The following GRID2 variants were observed in gnomAD, a reference collection of about 807,000 sequenced individuals.
GRID2 encodes glutamate ionotropic receptor delta type subunit 2.
A neutral mutation model predicts 114.8 loss-of-function variants in GRID2; 33 were observed. The ratio of observed to expected loss-of-function variants is 0.29; its 90% CI spans 0.22 to 0.38. The LOEUF (loss-of-function observed/expected upper bound fraction) is 0.38. Among genes scored for constraint, GRID2 ranks in the 10% least tolerant of loss-of-function variants. The pLI is 1.00. For synonymous variants in GRID2, 505 were observed against 449.9 expected, an observed-to-expected ratio of 1.12 and a Z score of -1.55; for missense variants, 1,184 against 1,257.7, an observed-to-expected ratio of 0.94 and a Z score of 0.89.
chr4:93,500,898 A>G (rs1728028956), intron 12 of GRID2, among the ~76,000 whole-genome samples: 2 of 152,054 alleles, frequency 1.3e-5, no homozygotes, highest in Non-Finnish European at 2.9e-5. Flanking sequence ...CCACATATTC[A>G]TAACTATATT....
chr4:93,481,415 T>TTGTCCTCAGCAGTATC (rs1725850370), intron 11 of GRID2, among the ~76,000 whole-genome samples: 1 of 152,088 alleles, frequency 6.6e-6, no homozygotes. Flanking sequence ...AGCCTTAATC[T>TTGTCCTCAGCAGTATC]TGTCCTCAGC....
chr4:93,531,063 G>C (rs1028671275), intron 13 of GRID2, among the ~76,000 whole-genome samples: 2 of 152,104 alleles, frequency 1.3e-5, no homozygotes, highest in African/African-American at 4.8e-5. Flanking sequence ...TTATCACTTT[G>C]ATTAGGGAAG....
chr4:92,482,363 T>C (rs1013148514), intron 1 of GRID2, among the ~76,000 whole-genome samples: 15 of 151,956 alleles, frequency 9.9e-5, no homozygotes, highest in Non-Finnish European at 1.8e-4. Flanking sequence ...GTTGAAAAAC[T>C]ACTTATTGGG....
At chr4:92,418,503 T>C (rs1200186808) in intron 1 of GRID2, among the ~76,000 whole-genome samples, 1 of 151,980 alleles carries the variant, frequency 6.6e-6, no homozygotes, top group Non-Finnish European at 1.5e-5. Context: ...AGAGGGCTAA[T>C]GGTGATAGAA....
chr4:93,747,216 C>A (rs1011555144), intron 14 of GRID2, among the ~76,000 whole-genome samples: 3 of 151,940 alleles, frequency 2.0e-5, no homozygotes, highest in African/African-American at 7.2e-5. Flanking sequence ...TAGCTTTTTT[C>A]TTCCATACTG....
intron 2 of GRID2, among the ~76,000 whole-genome samples, chr4:92,601,947 G>A (rs937374874): frequency 1.3e-5 from 2 of 151,234 alleles, no homozygotes; most frequent in African/African-American, 4.8e-5. Context: ...ATACCCCCTC[G>A]CAAGACTGAA....
At chr4:93,069,081 C>G (rs1728574170) in intron 2 of GRID2, among the ~76,000 whole-genome samples, 1 of 151,890 alleles carries the variant, frequency 6.6e-6, no homozygotes, top group African/African-American at 2.4e-5. Flanking sequence ...ATCACAAGGA[C>G]AGTATCGGGG....
At chr4:92,798,413 G>A (rs928509558) in intron 2 of GRID2, among the ~76,000 whole-genome samples, 7 of 152,012 alleles carry the variant, frequency 4.6e-5, no homozygotes, top group African/African-American at 9.7e-5. Flanking sequence ...AATGCTGTTG[G>A]TGTTAGTCAG....
intron 2 of GRID2, among the ~76,000 whole-genome samples, chr4:92,740,717 TA>T (rs1180255591): frequency 4.8e-5 from 7 of 145,682 alleles, no homozygotes; most frequent in Non-Finnish European, 7.5e-5. Flanking sequence ...GATAGATAGA[TA>T]GATAGATAGA....
intron 2 of GRID2, among the ~76,000 whole-genome samples, chr4:92,914,599 T>A (rs567964427): frequency 6.6e-6 from 1 of 152,206 alleles, no homozygotes; most frequent in East Asian, 1.9e-4. Flanking sequence ...GGCCCTAGTG[T>A]ATGTTGTTCC....
At chr4:93,625,724 G>A (rs1578427134) in intron 13 of GRID2, among the ~76,000 whole-genome samples, 1 of 152,112 alleles carries the variant, frequency 6.6e-6, no homozygotes, top group Admixed American at 6.6e-5. Flanking sequence ...GACCATCCTG[G>A]CTAACACGGT....
intron 11 of GRID2, among the ~76,000 whole-genome samples, chr4:93,488,526 G>T (rs970858483): frequency 6.6e-6 from 1 of 151,864 alleles, no homozygotes; most frequent in Non-Finnish European, 1.5e-5. Flanking sequence ...AGTCATTCAC[G>T]TATTGATAGA....
At chr4:92,380,361 CA>C (rs1248385438) in intron 1 of GRID2, among the ~76,000 whole-genome samples, 1 of 151,462 alleles carries the variant, frequency 6.6e-6, no homozygotes, top group South Asian at 2.1e-4. Flanking sequence ...ACTAGCTCTT[CA>C]AAAAAAAGTT....
intron 8 of GRID2, among the ~76,000 whole-genome samples, chr4:93,239,980 G>A (rs550041788): frequency 7.9e-5 from 12 of 151,688 alleles, no homozygotes; most frequent in Non-Finnish European, 1.6e-4. Flanking sequence ...GTTACATGGA[G>A]TGGCAGTTTA....
At chr4:93,184,768 G>C (rs1277125999) in intron 4 of GRID2, among the ~76,000 whole-genome samples, 1 of 152,080 alleles carries the variant, frequency 6.6e-6, no homozygotes, top group Non-Finnish European at 1.5e-5. Context: ...TGTAATCGCA[G>C]ATACTCAGGA....
chr4:92,752,164 C>T (rs1386761713), intron 2 of GRID2, among the ~76,000 whole-genome samples: 1 of 152,162 alleles, frequency 6.6e-6, no homozygotes, highest in African/African-American at 2.4e-5. Flanking sequence ...TTCTGTACCT[C>T]AAATGTAAGC....
intron 2 of GRID2, among the ~76,000 whole-genome samples, chr4:92,850,129 A>T (rs1023993375): frequency 2.0e-5 from 3 of 151,366 alleles, no homozygotes; most frequent in African/African-American, 7.2e-5. Flanking sequence ...TAAAAGATCT[A>T]CAAAGTTTAT....
intron 14 of GRID2, among the ~76,000 whole-genome samples, chr4:93,727,769 C>A (rs1165060721): frequency 6.6e-6 from 1 of 152,050 alleles, no homozygotes; most frequent in Non-Finnish European, 1.5e-5. Context: ...CTAGTTTATT[C>A]ACATAGAGGT....
At chr4:93,677,339 C>G (rs1317394271) in intron 14 of GRID2, among the ~76,000 whole-genome samples, 2 of 152,186 alleles carry the variant, frequency 1.3e-5, no homozygotes, top group Admixed American at 6.5e-5. Flanking sequence ...TAGGCTCCAC[C>G]TCTGGGGGCA....
Sources: allele counts gnomAD v4.1 joint callset (sites outside exome capture counted in the v4.1 genomes callset), GRCh38; gene constraint gnomAD v4.1.1; transcripts MANE v1.5; gene names NCBI Gene and HGNC (gene_info 2026-07-23, HGNC 2026-07-21).